Variants in DDX60L observed in about 807,000 individuals in gnomAD.
DDX60L encodes DExD/H-box 60 like.
In DDX60L, 191 loss-of-function variants were observed where a neutral mutation model predicts 211.6. The ratio of observed to expected loss-of-function variants is 0.90; its 90% CI spans 0.80 to 1.02. DDX60L has a LOEUF of 1.02. DDX60L is among the 50% of genes least tolerant of loss of function. The pLI is 0.00. For missense variants in DDX60L, 2,007 were observed against 1,984.1 expected, an observed-to-expected ratio of 1.01 and a Z score of -0.22; for synonymous variants, 706 against 694.1, an observed-to-expected ratio of 1.02 and a Z score of -0.27.
Position 168,433,089 on chromosome 4 carries a change from C to T in DDX60L, c.1321G>A (p.Val441Met). ...QEISLEKMPS[V>M]GFIPMTSAVI... ...GCAGATGTCATTGGAATAAAGCCCA[C>T]ACTAGGCATCTTTTCCAAGGAGATT... The change falls in exon 11 of 38, where the codon GTG becomes ATG. Residue 441 changes from valine to methionine, a missense_variant. Val to Met is a conservative substitution (Grantham distance 21). Transcript: ENST00000682922. The T allele has an allele frequency of 1.9e-6, 3 of 1,606,788 alleles. No individual in the cohort carries two copies. Among genetic ancestry groups the T allele is most frequent in the East Asian group, 4.5e-5 (2 of 44,666 alleles).
At chr4:168,358,713 T>C (rs1560908637) in intron 37 of DDX60L, among the ~76,000 whole-genome samples, 1 of 151,872 alleles carries the variant, frequency 6.6e-6, no homozygotes. Flanking sequence ...AGCGACAGGG[T>C]TTCACCATCT....
chr4:168,471,725 G>T, intron 4 of DDX60L, 22 bp downstream of exon 4: 1 of 1,563,500 alleles, frequency 6.4e-7, no homozygotes, highest in South Asian at 1.2e-5. Flanking sequence ...GGACTAAAAC[G>T]ACATCAATCA....
intron 21 of DDX60L, 47 bp from the exon 22 acceptor site, chr4:168,415,564 T>C: frequency 6.9e-7 from 1 of 1,453,770 alleles, no homozygotes; most frequent in Non-Finnish European, 9.4e-7. Context: ...CATACGATTA[T>C]TAGAATATGG....
chr4:168,416,560 G>T, intron 20 of DDX60L, 122 bp downstream of exon 20: 2 of 554,940 alleles, frequency 3.6e-6, no homozygotes, highest in Non-Finnish European at 2.9e-6. Context: ...ACGTTTCAAA[G>T]ATTGGGTAAT....
intron 5 of DDX60L, among the ~76,000 whole-genome samples, chr4:168,460,632 A>T (rs1382286836): frequency 6.6e-6 from 1 of 151,860 alleles, no homozygotes; most frequent in African/African-American, 2.4e-5. Flanking sequence ...AAAAAAAAAA[A>T]GTATGGGTTT....
At chr4:168,478,189 C>CAAA (rs34467288) in intron 1 of DDX60L, among the ~76,000 whole-genome samples, 5 of 144,488 alleles carry the variant, frequency 3.5e-5, no homozygotes, top group Admixed American at 2.7e-4. Context: ...AGTGATAGGA[C>CAAA]AAAAAAAAAA....
At chr4:168,432,240 T>C (rs769557425) in intron 12 of DDX60L, among the ~76,000 whole-genome samples, 1 of 147,208 alleles carries the variant, frequency 6.8e-6, no homozygotes, top group Non-Finnish European at 1.5e-5. Flanking sequence ...TATATATATA[T>C]ATTGTGTGTG....
intron 29 of DDX60L, among the ~76,000 whole-genome samples, chr4:168,387,701 T>C (rs1441424917): frequency 1.3e-5 from 2 of 152,178 alleles, no homozygotes; most frequent in African/African-American, 4.8e-5. Context: ...AGAAAAGTAA[T>C]TGGACGATCT....
At chr4:168,466,037 C>A (rs1392938260) in intron 4 of DDX60L, among the ~76,000 whole-genome samples, 5 of 151,742 alleles carry the variant, frequency 3.3e-5, no homozygotes, top group African/African-American at 9.7e-5. Flanking sequence ...AAAGAAAAAA[C>A]CATTAGATGC....
At chr4:168,442,109 G>A (rs1008229385) in intron 9 of DDX60L, among the ~76,000 whole-genome samples, 6 of 152,074 alleles carry the variant, frequency 3.9e-5, no homozygotes, top group Non-Finnish European at 8.8e-5. Flanking sequence ...ATCTCACTAG[G>A]GAGTGCCAGA....
chr4:168,362,809 A>G (rs1873133), intron 36 of DDX60L, among the ~76,000 whole-genome samples: 125,254 of 152,170 alleles, frequency 0.82, 51,725 homozygotes, highest in African/African-American at 0.88. Flanking sequence ...TTAAGAAACC[A>G]TATAGGACTT....
intron 13 of DDX60L, 70 bp downstream of exon 13, chr4:168,430,408 G>T: frequency 7.3e-7 from 1 of 1,369,134 alleles, no homozygotes; most frequent in Non-Finnish European, 9.8e-7. Context: ...CACCTCCAGA[G>T]ACAAATATGA....
intron 10 of DDX60L, among the ~76,000 whole-genome samples, chr4:168,437,121 A>G (rs995842854): frequency 1.3e-5 from 2 of 152,246 alleles, no homozygotes; most frequent in African/African-American, 4.8e-5. Context: ...CCCTTAAGGA[A>G]CAAAGGATTG....
At chr4:168,464,699 G>A (rs79511044) in intron 4 of DDX60L, among the ~76,000 whole-genome samples, 21 of 152,100 alleles carry the variant, frequency 1.4e-4, no homozygotes, top group Admixed American at 3.9e-4. Flanking sequence ...GTGTGTGTGC[G>A]TGTGTTGGAA....
At chr4:168,371,073 A>G (rs1418272288) in intron 36 of DDX60L, among the ~76,000 whole-genome samples, 4 of 47,328 alleles carry the variant, frequency 8.5e-5, no homozygotes, top group African/African-American at 4.5e-4. Flanking sequence ...TTATTTCATA[A>G]AAAAGATTTA....
intron 15 of DDX60L, 120 bp from the exon 16 acceptor site, chr4:168,422,790 T>G (rs1750845246): frequency 1.3e-6 from 1 of 788,764 alleles, no homozygotes; most frequent in Non-Finnish European, 2.0e-6. Context: ...TTTTTTATTT[T>G]TTTGAGACAG....
chr4:168,357,495 C>T lies in DDX60L; in HGVS notation c.*652G>A, dbSNP rs1275099187. 2 of 152,344 alleles carry T rather than the reference C, an allele frequency of 1.3e-5. No individual in the cohort carries two copies. The allele number at this position is 152,344 out of a possible 1,614,324, so 9.4% of individuals were successfully genotyped here. On this transcript the variant is annotated 3_prime_UTR_variant, in exon 38 of 38. Transcript: ENST00000682922. ...GATGGCCATCTTCCCATTGTATCAT[C>T]CAGTGGTAGTGAGCAGAGATTGGAG...
At chr4:168,437,435 G>A (rs960748016) in intron 10 of DDX60L, among the ~76,000 whole-genome samples, 8 of 152,142 alleles carry the variant, frequency 5.3e-5, no homozygotes, top group African/African-American at 1.9e-4. Flanking sequence ...GAAGCTGAGA[G>A]AGAGGCATGG....
At chr4:168,414,872 G>A (rs1016328831) in intron 22 of DDX60L, among the ~76,000 whole-genome samples, 1 of 150,992 alleles carries the variant, frequency 6.6e-6, no homozygotes, top group South Asian at 2.1e-4. Flanking sequence ...AAAGACAGTG[G>A]GTTGGGTGGA....
Sources: gnomAD v4.1 joint callset for allele counts (sites outside exome capture counted in the v4.1 genomes callset) on GRCh38, gnomAD v4.1.1 for gene constraint, MANE v1.5 for transcripts, NCBI Gene and HGNC (gene_info 2026-07-23, HGNC 2026-07-21) for gene names.